Variants in EPHA4 observed in about 807,000 individuals in gnomAD.
The protein encoded by EPHA4 is EPH receptor A4.
Under a neutral mutation model 108.3 loss-of-function variants are expected in EPHA4, and 19 were observed. The observed-to-expected ratio is 0.18, with a 90% CI of 0.12 to 0.26. EPHA4 has a LOEUF of 0.26. EPHA4 is among the 10% of genes least tolerant of loss of function. The probability of loss-of-function intolerance (pLI) is 1.00; values close to 1 mark genes in which losing one functional copy is unlikely to be tolerated. For synonymous variants in EPHA4, 449 were observed against 455.5 expected (o/e 0.99, Z 0.18); for missense variants, 917 against 1,254.0 (o/e 0.73, Z 4.06).
chr2:221,498,836 G>A (rs1163256866), intron 4 of EPHA4, among the ~76,000 whole-genome samples: 1 of 146,596 alleles, frequency 6.8e-6, no homozygotes, highest in Non-Finnish European at 1.5e-5. Flanking sequence ...CTGTCATCTA[G>A]GGTGGAGTCC....
intron 3 of EPHA4, chr2:221,502,658 G>A (rs892216628): frequency 5.0e-5 from 23 of 461,482 alleles, no homozygotes; most frequent in Middle Eastern, 3.3e-4. Context: ...CCACCCACTC[G>A]CATATCCTGT....
At chr2:221,491,748 G>A (rs1692149955) in intron 4 of EPHA4, among the ~76,000 whole-genome samples, 1 of 152,044 alleles carries the variant, frequency 6.6e-6, no homozygotes, top group Non-Finnish European at 1.5e-5. Context: ...GAGTGGCTAG[G>A]AGTTTCTATT....
At chr2:221,523,156 G>T (rs575131764) in intron 3 of EPHA4, among the ~76,000 whole-genome samples, 6 of 152,190 alleles carry the variant, frequency 3.9e-5, no homozygotes, top group South Asian at 2.1e-4. Context: ...GAACACTGGC[G>T]ATCAGTTGGG....
At chr2:221,573,787 G>A (rs1694924073), upstream of EPHA4, 1 of 152,412 alleles carries the variant, frequency 6.6e-6, no homozygotes, top group Admixed American at 6.5e-5. This position sits in a 1 kb window ranked among gnomAD's most constrained non-coding sequence, Gnocchi z 4.5. Flanking sequence ...CAGAGAGGTG[G>A]TGCGTGCGTT....
At chr2:221,450,704 TTC>T (rs1690754707) in intron 8 of EPHA4, among the ~76,000 whole-genome samples, 1 of 152,124 alleles carries the variant, frequency 6.6e-6, no homozygotes, top group Non-Finnish European at 1.5e-5. Flanking sequence ...ATCAATTCAC[TTC>T]TTTTTCCTTA....
Position 221,437,132 on chromosome 2 carries a change from T to A in EPHA4, c.2075-10A>T, listed in dbSNP as rs781708433. ...ATCATTACTGGTTTACCTAGAGTTT[T>A]CAGAAAGAAAAACACAAACCTTTGA... On this transcript the variant is annotated splice_polypyrimidine_tract_variant and intron_variant, in intron 11 of 17. Transcript: ENST00000281821. 7.5e-6 allele frequency: 12 copies of A among 1,608,824 alleles called. No homozygotes were observed. The highest frequency in any genetic ancestry group is 9.3e-6 in the Non-Finnish European group (11 of 1,176,508).
chr2:221,421,358 G>T (rs67278015), intron 17 of EPHA4, among the ~76,000 whole-genome samples: 72,224 of 152,022 alleles, frequency 0.48, 18,087 homozygotes, highest in African/African-American at 0.64. Context: ...AAAAAGTGGT[G>T]GTTTTTCTTA....
At chr2:221,473,552 GAAA>G (rs772366510) in intron 5 of EPHA4, among the ~76,000 whole-genome samples, 99 of 109,664 alleles carry the variant, frequency 9.0e-4, no homozygotes, top group East Asian at 8.7e-3. Flanking sequence ...GTGTTTAAAG[GAAA>G]AAAAAAAAAA....
intron 8 of EPHA4, among the ~76,000 whole-genome samples, chr2:221,454,182 GA>G (rs1429237923): frequency 6.6e-6 from 1 of 151,744 alleles, no homozygotes; most frequent in Admixed American, 6.6e-5. Flanking sequence ...CTCCGTCTCA[GA>G]AAAAAATTAA....
intron 4 of EPHA4, among the ~76,000 whole-genome samples, chr2:221,499,018 T>C (rs1692392897): frequency 6.6e-6 from 1 of 151,372 alleles, no homozygotes; most frequent in Non-Finnish European, 1.5e-5. Context: ...CTTGAACTCC[T>C]GACCTCAATA....
chr2:221,548,320 C>T (rs58669790), intron 3 of EPHA4, among the ~76,000 whole-genome samples: 1,633 of 151,718 alleles, frequency 0.011, 34 homozygotes, highest in African/African-American at 0.037. Context: ...TCACAGATCG[C>T]ACCACTGCAC....
At chr2:221,430,960 A>C (rs1690059048) in intron 14 of EPHA4, among the ~76,000 whole-genome samples, 1 of 152,320 alleles carries the variant, frequency 6.6e-6, no homozygotes, top group East Asian at 1.9e-4. Flanking sequence ...AGTAAGTCAT[A>C]AATAACTCAT....
At chr2:221,474,588 A>G (rs1257419382) in intron 5 of EPHA4, among the ~76,000 whole-genome samples, 1 of 152,158 alleles carries the variant, frequency 6.6e-6, no homozygotes, top group African/African-American at 2.4e-5. Context: ...ATTACCAGGC[A>G]CAGAAAGGAC....
At chr2:221,534,396 G>C (rs182157128) in intron 3 of EPHA4, among the ~76,000 whole-genome samples, 61 of 152,220 alleles carry the variant, frequency 4.0e-4, no homozygotes, top group African/African-American at 1.1e-3. Flanking sequence ...GGTTTTTCTT[G>C]TATTGGAATG....
chr2:221,436,661 T>C, intron 12 of EPHA4, 53 bp from the exon 13 acceptor site: 1 of 1,526,302 alleles, frequency 6.6e-7, no homozygotes, highest in Non-Finnish European at 9.1e-7. Flanking sequence ...CCAAGTTAAT[T>C]CTCACCAAGC....
At chr2:221,446,469 T>C (rs1365747259) in intron 8 of EPHA4, among the ~76,000 whole-genome samples, 1 of 152,126 alleles carries the variant, frequency 6.6e-6, no homozygotes, top group Non-Finnish European at 1.5e-5. Flanking sequence ...TTAAAATCTC[T>C]CAGAGAAAAT....
At chr2:221,466,963 G>A (rs922196946) in intron 5 of EPHA4, among the ~76,000 whole-genome samples, 4 of 152,252 alleles carry the variant, frequency 2.6e-5, no homozygotes, top group South Asian at 2.1e-4. Context: ...CAGCAACAAC[G>A]TAAATCTTTC....
At chr2:221,466,701 AC>A (rs1028267458) in intron 5 of EPHA4, among the ~76,000 whole-genome samples, 3 of 152,198 alleles carry the variant, frequency 2.0e-5, no homozygotes, top group African/African-American at 7.2e-5. Context: ...TGTAAACCTC[AC>A]AAAAACTCTA....
intron 3 of EPHA4, among the ~76,000 whole-genome samples, chr2:221,561,673 T>C (rs1340598344): frequency 6.6e-6 from 1 of 152,256 alleles, no homozygotes; most frequent in Admixed American, 6.5e-5. Flanking sequence ...AAATGTTCGA[T>C]TGCTTTTATA....
Sources: gnomAD v4.1 joint callset for allele counts (sites outside exome capture counted in the v4.1 genomes callset) on GRCh38, gnomAD v4.1.1 for gene constraint, Gnocchi (gnomAD v3.1) non-coding constraint, MANE v1.5 for transcripts, NCBI Gene and HGNC (gene_info 2026-07-23, HGNC 2026-07-21) for gene names.